Variants in UQCC1 observed in about 807,000 individuals in gnomAD.
The protein encoded by UQCC1 is ubiquinol-cytochrome c reductase complex assembly factor 1, also known as bFGF-repressed Zic-binding protein.
UQCC1 carries 38 observed loss-of-function variants against 48.0 expected under a neutral mutation model. That is an observed-to-expected ratio of 0.79 (90% CI 0.61 to 1.04). The LOEUF (loss-of-function observed/expected upper bound fraction) is 1.04, where lower values mean the gene tolerates loss of function less well. UQCC1 is among the 50% of genes least tolerant of loss of function. UQCC1 has a pLI of 0.00. For synonymous variants in UQCC1, 111 were observed against 129.2 expected, an observed-to-expected ratio of 0.86 and a Z score of 0.95; for missense variants, 368 against 381.8, an observed-to-expected ratio of 0.96 and a Z score of 0.30.
chr20:35,391,803 A>G (rs1475071636), intron 2 of UQCC1, among the ~76,000 whole-genome samples: 1 of 152,170 alleles, frequency 6.6e-6, no homozygotes, highest in African/African-American at 2.4e-5. Context: ...TGGTTTCAGT[A>G]ATTGCACCAT....
At chr20:35,345,276 T>A (rs530720931) in intron 7 of UQCC1, 1 of 152,138 alleles carries the variant, frequency 6.6e-6, no homozygotes, top group Non-Finnish European at 1.5e-5. Context: ...GAGCTTGCAA[T>A]TGGTGTGGCA....
chr20:35,380,964 G>C (rs1008944411), intron 4 of UQCC1, among the ~76,000 whole-genome samples: 2 of 152,170 alleles, frequency 1.3e-5, no homozygotes, highest in African/African-American at 4.8e-5. Flanking sequence ...TTTAGATTTT[G>C]AATTTCCAAT....
intron 8 of UQCC1, among the ~76,000 whole-genome samples, chr20:35,308,338 C>T (rs2060950769): frequency 6.6e-6 from 1 of 152,278 alleles, no homozygotes; most frequent in South Asian, 2.1e-4. Flanking sequence ...GGCACATCAC[C>T]CTTCTGCAAA....
intron 6 of UQCC1, among the ~76,000 whole-genome samples, chr20:35,353,142 C>T (rs1397443228): frequency 2.6e-5 from 4 of 152,138 alleles, no homozygotes; most frequent in Non-Finnish European, 5.9e-5. Context: ...GTGGCTCACA[C>T]CTGTAATTCC....
chr20:35,379,630 ACC>A, intron 4 of UQCC1, among the ~76,000 whole-genome samples: 1 of 152,108 alleles, frequency 6.6e-6, no homozygotes, highest in South Asian at 2.1e-4. Context: ...ACATGGTGAA[ACC>A]CCATCTCTAC....
intron 7 of UQCC1, among the ~76,000 whole-genome samples, chr20:35,341,218 C>CAAAAAA (rs61675932): frequency 9.5e-5 from 11 of 115,824 alleles, no homozygotes; most frequent in African/African-American, 3.8e-4. Context: ...GAGACTCCGT[C>CAAAAAA]AAAAAAAAAA....
At chr20:35,311,931 T>C (rs1368641437) in intron 8 of UQCC1, among the ~76,000 whole-genome samples, 5 of 152,188 alleles carry the variant, frequency 3.3e-5, no homozygotes, top group Non-Finnish European at 5.9e-5. Context: ...AGAGAGGTGA[T>C]AAAGATTTAG....
At chr20:35,372,424 GA>G (rs1178182230) in intron 5 of UQCC1, among the ~76,000 whole-genome samples, 2 of 152,120 alleles carry the variant, frequency 1.3e-5, no homozygotes, top group East Asian at 3.8e-4. Context: ...AAAGAAGCAG[GA>G]AAATATTCTT....
intron 9 of UQCC1, among the ~76,000 whole-genome samples, chr20:35,305,457 G>T (rs1273367145): frequency 6.6e-6 from 1 of 152,262 alleles, no homozygotes; most frequent in Non-Finnish European, 1.5e-5. Flanking sequence ...AGATGGAAAT[G>T]TTGGGCAGGT....
At position 35,384,746 on chromosome 20, in the gene UQCC1, A is replaced by G. The variant is rs1459990228; in HGVS notation, c.130-613T>C. The G allele has an allele frequency of 1.5e-5, 6 of 399,458 alleles. No homozygotes were observed. In the Admixed American group the frequency reaches 1.8e-4, roughly 12 times the overall value. The allele number at this position is 399,458 out of a possible 1,614,324, so 24.7% of individuals were successfully genotyped here. On this transcript the variant is annotated intron_variant, in intron 2 of 9. Transcript: ENST00000374385. The stretch of plus-strand genomic sequence containing the variant: ...CACTTTGGGAGGCCGAGGTGGATGG[A>G]TCACTTGAGGTCAGGAGTTTGAGAG...
intron 7 of UQCC1, among the ~76,000 whole-genome samples, chr20:35,334,049 T>C (rs1262364445): frequency 1.3e-5 from 2 of 152,102 alleles, no homozygotes; most frequent in African/African-American, 2.4e-5. Context: ...GCTGTGCTGA[T>C]CATATTGTAA....
At chr20:35,356,630 T>G (rs2061550210) in intron 6 of UQCC1, among the ~76,000 whole-genome samples, 1 of 152,222 alleles carries the variant, frequency 6.6e-6, no homozygotes, top group Non-Finnish European at 1.5e-5. Flanking sequence ...AATTGAGTCC[T>G]AGAGAAGTAA....
intron 4 of UQCC1, among the ~76,000 whole-genome samples, chr20:35,380,319 A>C (rs1489215086): frequency 2.6e-5 from 4 of 152,222 alleles, no homozygotes; most frequent in Non-Finnish European, 5.9e-5. Flanking sequence ...CTAATATTTC[A>C]TTGGCAATTA....
rs971460086 is a variant in UQCC1 at position 35,303,374 on chromosome 20, C to T, written c.*561G>A. On this transcript the variant is annotated 3_prime_UTR_variant, in exon 10 of 10. Transcript: ENST00000374385. ...GCCTCTTCCCTTTCTCCGTCTCTAA[C>T]TGAGCTGCGCGGTGCCCTCATTACT... The T allele has an allele frequency of 2.6e-5, 4 of 154,214 alleles. No homozygotes were observed. The highest frequency in any genetic ancestry group is 4.0e-4 in the South Asian group (2 of 5,026). The allele number at this position is 154,214 out of a possible 1,614,324, so 9.6% of individuals were successfully genotyped here.
rs188137945 is a variant in UQCC1, at chr20:35,351,161, T to G, written c.465-3889A>C. On this transcript the variant is annotated intron_variant, in intron 6 of 9. Coordinates refer to ENST00000374385, the MANE Select transcript of UQCC1 (RefSeq NM_018244.5). ...ATCCCAGCACTTTGGGAGGCTGAGG[T>G]GAGCGGATTACTTGAGGTCAAGAGT... is the stretch of plus-strand genomic sequence containing the variant. Among the ~76,000 whole-genome samples the G allele has an allele frequency of 4.3e-3, 649 of 152,010 alleles. 8 individuals are homozygous for G. Among genetic ancestry groups the G allele is most frequent in the African/African-American group, 0.015 (627 of 41,476 alleles).
In UQCC1 at chr20:35,341,273, C is replaced by A. The variant is rs116836449; in HGVS notation, c.573+5891G>T. Among the ~76,000 whole-genome samples, 1,301 of 150,230 alleles carry A rather than the reference C, an allele frequency of 8.7e-3. 23 individuals are homozygous for A. Among genetic ancestry groups the A allele is most frequent in the African/African-American group, 0.03 (1,227 of 40,766 alleles). The stretch of plus-strand genomic sequence containing the variant: ...AAAGAAAGAAAATAAACATAATATA[C>A]CCTATGTATAACCTGGGGTTTTTAA... On this transcript the variant is annotated intron_variant, in intron 7 of 9. Coordinates refer to ENST00000374385, the MANE Select transcript of UQCC1 (RefSeq NM_018244.5).
At chr20:35,312,957 G>C (rs1197241165) in intron 8 of UQCC1, among the ~76,000 whole-genome samples, 2 of 152,186 alleles carry the variant, frequency 1.3e-5, no homozygotes, top group Admixed American at 1.3e-4. Context: ...TTGGAAGATG[G>C]AAAAGCTCTG....
chr20:35,351,842 A>G (rs977443314), intron 6 of UQCC1, among the ~76,000 whole-genome samples: 3 of 152,262 alleles, frequency 2.0e-5, no homozygotes, highest in Non-Finnish European at 4.4e-5. Flanking sequence ...AGTTGAAAAG[A>G]TAAGGCAAAA....
intron 8 of UQCC1, among the ~76,000 whole-genome samples, chr20:35,311,195 C>T (rs2060989929): frequency 6.6e-6 from 1 of 151,994 alleles, no homozygotes; most frequent in African/African-American, 2.4e-5. Context: ...TAAGAGAGAG[C>T]ACAAGAAATA....
Sources: allele counts gnomAD v4.1 joint callset (sites outside exome capture counted in the v4.1 genomes callset), GRCh38; gene constraint gnomAD v4.1.1; transcripts MANE v1.5; gene names NCBI Gene and HGNC (gene_info 2026-07-23, HGNC 2026-07-21).